The following EPHB2 variants were observed in gnomAD, a reference collection of about 807,000 sequenced individuals.
EPHB2 encodes EPH receptor B2, also known as ephrin type-B receptor 2.
EPHB2 carries 18 observed loss-of-function variants against 96.4 expected under a neutral mutation model. The observed-to-expected ratio is 0.19, with a 90% CI of 0.13 to 0.28. The LOEUF (loss-of-function observed/expected upper bound fraction) is 0.28, where lower values mean the gene tolerates loss of function less well. EPHB2 is among the 10% of genes least tolerant of loss of function. EPHB2 has a pLI of 1.00. For missense variants in EPHB2, 989 were observed against 1,355.4 expected, an observed-to-expected ratio of 0.73 and a Z score of 4.25; for synonymous variants, 506 against 534.1, an observed-to-expected ratio of 0.95 and a Z score of 0.72.
intron 3 of EPHB2, among the ~76,000 whole-genome samples, chr1:22,798,683 G>T (rs953190328): frequency 5.3e-5 from 8 of 151,968 alleles, no homozygotes; most frequent in Non-Finnish European, 1.0e-4. Context: ...AGAGCTCCCC[G>T]CCCTGCCACT....
At chr1:22,715,979 C>T (rs549937480) in intron 1 of EPHB2, among the ~76,000 whole-genome samples, 7 of 152,294 alleles carry the variant, frequency 4.6e-5, no homozygotes, top group African/African-American at 1.2e-4. Flanking sequence ...TCAATGATGG[C>T]GACGTGGCCC....
chr1:22,792,141 G>A (rs1389946805), intron 3 of EPHB2, among the ~76,000 whole-genome samples: 79 of 151,902 alleles, frequency 5.2e-4, no homozygotes, highest in South Asian at 2.1e-3. Flanking sequence ...CTTTCAGCTC[G>A]AGCCCTTCTT....
intron 9 of EPHB2, among the ~76,000 whole-genome samples, chr1:22,904,534 C>T (rs1359677062): frequency 6.6e-6 from 1 of 152,118 alleles, no homozygotes; most frequent in Non-Finnish European, 1.5e-5. Flanking sequence ...AATTAAGAAA[C>T]CCTGACCTCA....
chr1:22,814,127 G>A (rs184795448), intron 3 of EPHB2, among the ~76,000 whole-genome samples: 154 of 152,112 alleles, frequency 1.0e-3, no homozygotes, highest in Non-Finnish European at 1.1e-3. Context: ...CCGAGATCGC[G>A]CCATTGCACT....
chr1:22,713,601 A>G (rs751480985), intron 1 of EPHB2, among the ~76,000 whole-genome samples: 17 of 152,134 alleles, frequency 1.1e-4, no homozygotes, highest in Non-Finnish European at 2.1e-4. Context: ...GCCTGTGCAC[A>G]TTTGGGAGAC....
chr1:22,894,149 A>G (rs1429686772), intron 7 of EPHB2, among the ~76,000 whole-genome samples: 1 of 152,080 alleles, frequency 6.6e-6, no homozygotes, highest in Non-Finnish European at 1.5e-5. Flanking sequence ...GGTGAGTGTC[A>G]TTGACTGGGA....
At chr1:22,771,044 C>T (rs1164130768) in intron 1 of EPHB2, among the ~76,000 whole-genome samples, 2 of 152,118 alleles carry the variant, frequency 1.3e-5, no homozygotes, top group African/African-American at 2.4e-5. Context: ...GACTGCATTT[C>T]CTGGAGGAAC....
chr1:22,730,076 G>A (rs1033431847), intron 1 of EPHB2, among the ~76,000 whole-genome samples: 1 of 152,232 alleles, frequency 6.6e-6, no homozygotes, highest in African/African-American at 2.4e-5. Context: ...GCCCCAGGGT[G>A]GGGGTGTGGG....
chr1:22,913,396 C>T lies in EPHB2; in HGVS notation c.2853-66C>T. The T allele has an allele frequency of 1.3e-6, 2 of 1,586,040 alleles. No homozygotes were observed. The highest frequency in any genetic ancestry group is 2.3e-5 in the South Asian group (2 of 87,474). ...CTTCCTCCCGGGGAAGCCCAGGCAG[C>T]TCTCTACCAGGCACAGGACCCCTTC... is the stretch of plus-strand genomic sequence containing the variant. On this transcript the variant is annotated intron_variant, in intron 15 of 15. Transcript: ENST00000374630. The surrounding 1 kb of genome is among the most constrained non-coding windows in gnomAD (Gnocchi z 4.1).
intron 3 of EPHB2, among the ~76,000 whole-genome samples, chr1:22,844,666 G>A (rs925091750): frequency 4.6e-5 from 7 of 152,150 alleles, no homozygotes; most frequent in South Asian, 4.1e-4. Context: ...TGGTGATGCC[G>A]GCTCCAGAGC....
chr1:22,742,493 C>T (rs967252961), intron 1 of EPHB2, among the ~76,000 whole-genome samples: 1 of 152,122 alleles, frequency 6.6e-6, no homozygotes, highest in African/African-American at 2.4e-5. Context: ...TCCTTCCTTC[C>T]TTTCTCTCTT....
At chr1:22,728,999 C>T (rs1643645391) in intron 1 of EPHB2, among the ~76,000 whole-genome samples, 4 of 152,166 alleles carry the variant, frequency 2.6e-5, no homozygotes, top group South Asian at 2.1e-4. Context: ...CTGTCTGGAG[C>T]GCTGCGTGGA....
chr1:22,743,082 G>A (rs1214696070), intron 1 of EPHB2, among the ~76,000 whole-genome samples: 3 of 151,798 alleles, frequency 2.0e-5, no homozygotes, highest in African/African-American at 7.3e-5. Context: ...AGTAGAGATC[G>A]AGTCTCACTA....
intron 1 of EPHB2, among the ~76,000 whole-genome samples, chr1:22,751,178 G>A (rs892030486): frequency 6.6e-6 from 1 of 152,184 alleles, no homozygotes; most frequent in African/African-American, 2.4e-5. Flanking sequence ...TTTGGTGGAG[G>A]GGGATGCTCT....
At chr1:22,855,794 C>T (rs1489162451) in intron 3 of EPHB2, among the ~76,000 whole-genome samples, 2 of 152,308 alleles carry the variant, frequency 1.3e-5, no homozygotes, top group Non-Finnish European at 2.9e-5. Context: ...TTATTATTCC[C>T]ATTGTACAGA....
chr1:22,810,781 A>C (rs1644992108), intron 3 of EPHB2, among the ~76,000 whole-genome samples: 1 of 152,024 alleles, frequency 6.6e-6, no homozygotes, highest in African/African-American at 2.4e-5. Context: ...CTTGTCACTT[A>C]ATTTCCCCTG....
At chr1:22,888,053 T>TG (rs1639282011) in intron 6 of EPHB2, among the ~76,000 whole-genome samples, 1 of 152,120 alleles carries the variant, frequency 6.6e-6, no homozygotes, top group Non-Finnish European at 1.5e-5. Context: ...GGGGTTTTTT[T>TG]TGTGTGTGTG....
rs1401259678 is a variant in EPHB2 at position 22,914,963 on chromosome 1, A to C, written c.*1393A>C. On this transcript the variant is annotated 3_prime_UTR_variant, in exon 16 of 16. Coordinates refer to ENST00000374630, the MANE Select transcript of EPHB2 (RefSeq NM_017449.5). ...CAATCTATCTAGTACTTCCCAGGCAAATAGGCCCCTTTGAGGCTCCTGAGT... is the reference window on the plus strand; with the variant it reads ...CAATCTATCTAGTACTTCCCAGGCACATAGGCCCCTTTGAGGCTCCTGAGT... The C allele has an allele frequency of 1.3e-5, 2 of 152,646 alleles. No homozygotes were observed. The highest frequency in any genetic ancestry group is 2.4e-5 in the African/African-American group (1 of 41,456). 9.5% of individuals were successfully genotyped at this position (152,646 alleles called of 1,614,324 possible). A position where few individuals can be genotyped will look rare whatever the true frequency, so the allele number is the denominator to read the frequency against.
At chr1:22,844,237 T>C (rs1176526209) in intron 3 of EPHB2, among the ~76,000 whole-genome samples, 1 of 152,256 alleles carries the variant, frequency 6.6e-6, no homozygotes, top group Non-Finnish European at 1.5e-5. Flanking sequence ...CTTTCCACAA[T>C]GGCTGAGCTA....
Sources: gnomAD v4.1 joint callset for allele counts (sites outside exome capture counted in the v4.1 genomes callset) on GRCh38, gnomAD v4.1.1 for gene constraint, Gnocchi (gnomAD v3.1) non-coding constraint, MANE v1.5 for transcripts, NCBI Gene and HGNC (gene_info 2026-07-23, HGNC 2026-07-21) for gene names.